PAPPA2: variants seen among roughly 807,000 people sequenced by gnomAD.
PAPPA2 encodes pappalysin-2.
PAPPA2 carries 86 observed loss-of-function variants against 176.4 expected under a neutral mutation model. The observed-to-expected ratio is 0.49, with a 90% CI of 0.41 to 0.58. The LOEUF is 0.58. Among genes scored for constraint, PAPPA2 ranks in the 20% least tolerant of loss-of-function variants. The pLI, the probability that PAPPA2 is intolerant of heterozygous loss-of-function variation, is 0.00. For missense variants in PAPPA2, 2,073 were observed against 2,256.9 expected, an observed-to-expected ratio of 0.92 and a Z score of 1.65; for synonymous variants, 809 against 852.2, an observed-to-expected ratio of 0.95 and a Z score of 0.88.
chr1:176,708,867 C>T (rs1403727024), intron 10 of PAPPA2, among the ~76,000 whole-genome samples: 3 of 152,070 alleles, frequency 2.0e-5, no homozygotes, highest in Non-Finnish European at 4.4e-5. Context: ...TAGTAATGCT[C>T]TTATTGAATA....
intron 21 of PAPPA2, among the ~76,000 whole-genome samples, chr1:176,803,805 T>C (rs1381857843): frequency 6.6e-6 from 1 of 152,244 alleles, no homozygotes; most frequent in Non-Finnish European, 1.5e-5. Context: ...CAGACTCCTT[T>C]GCAGGTAGTA....
intron 21 of PAPPA2, among the ~76,000 whole-genome samples, chr1:176,802,755 C>T (rs573855991): frequency 1.2e-3 from 180 of 152,322 alleles, no homozygotes; most frequent in Admixed American, 2.8e-3. Flanking sequence ...AATCCACCAG[C>T]TCAGTATCCT....
intron 1 of PAPPA2, among the ~76,000 whole-genome samples, chr1:176,504,020 T>A (rs1648110160): frequency 6.6e-6 from 1 of 152,162 alleles, no homozygotes; most frequent in Non-Finnish European, 1.5e-5. Flanking sequence ...GTACATTTTT[T>A]CATTAGGTTA....
intron 3 of PAPPA2, among the ~76,000 whole-genome samples, chr1:176,619,118 A>C (rs1439376414): frequency 3.9e-5 from 6 of 152,212 alleles, no homozygotes; most frequent in Non-Finnish European, 8.8e-5. Flanking sequence ...GGTATGGCTC[A>C]TGGAGGAAGT....
chr1:176,761,248 A>G (rs751141734), intron 14 of PAPPA2, among the ~76,000 whole-genome samples: 1 of 152,222 alleles, frequency 6.6e-6, no homozygotes, highest in Non-Finnish European at 1.5e-5. Flanking sequence ...GGCCATCTAC[A>G]TAGTATGATT....
At chr1:176,481,139 G>T (rs1464519554) in intron 1 of PAPPA2, among the ~76,000 whole-genome samples, 2 of 152,054 alleles carry the variant, frequency 1.3e-5, no homozygotes, top group Non-Finnish European at 2.9e-5. Context: ...CTGAATATTG[G>T]ATTAAGACTG....
chr1:176,798,392 T>C (rs765037202), intron 20 of PAPPA2, among the ~76,000 whole-genome samples: 11 of 152,198 alleles, frequency 7.2e-5, no homozygotes, highest in Admixed American at 4.6e-4. Context: ...GGTATTTATA[T>C]GTTTGGTCTG....
chr1:176,833,104 AT>A (rs1667140705), intron 21 of PAPPA2, among the ~76,000 whole-genome samples: 1 of 152,178 alleles, frequency 6.6e-6, no homozygotes, highest in Non-Finnish European at 1.5e-5. Flanking sequence ...GTGTATCTTC[AT>A]TGTCTTTCTT....
chr1:176,629,658 G>C (rs1284356091), intron 3 of PAPPA2, among the ~76,000 whole-genome samples: 1 of 152,048 alleles, frequency 6.6e-6, no homozygotes, highest in Non-Finnish European at 1.5e-5. Flanking sequence ...GGCAGAGGCT[G>C]GGTCTTATGA....
intron 11 of PAPPA2, among the ~76,000 whole-genome samples, chr1:176,710,687 T>G (rs1661104492): frequency 6.6e-6 from 1 of 152,208 alleles, no homozygotes; most frequent in South Asian, 2.1e-4. Flanking sequence ...CTATTCTAGA[T>G]GCTTTTATTG....
intron 12 of PAPPA2, among the ~76,000 whole-genome samples, chr1:176,732,912 C>A (rs1662228407): frequency 6.6e-6 from 1 of 152,214 alleles, no homozygotes; most frequent in African/African-American, 2.4e-5. Flanking sequence ...CCTGGCCACA[C>A]AGCAGGAGGT....
intron 3 of PAPPA2, among the ~76,000 whole-genome samples, chr1:176,655,731 A>G (rs1249440498): frequency 1.3e-5 from 2 of 151,970 alleles, no homozygotes; most frequent in East Asian, 3.9e-4. Flanking sequence ...CTTAATGGGT[A>G]CAGTGTATAT....
chr1:176,673,711 T>C (rs1050944324), intron 4 of PAPPA2, among the ~76,000 whole-genome samples: 1 of 152,170 alleles, frequency 6.6e-6, no homozygotes, highest in Non-Finnish European at 1.5e-5. Context: ...TAAAATACTT[T>C]AAAAATTATT....
intron 17 of PAPPA2, among the ~76,000 whole-genome samples, chr1:176,777,349 G>A (rs1300807590): frequency 1.3e-5 from 2 of 152,094 alleles, no homozygotes; most frequent in Non-Finnish European, 2.9e-5. Context: ...GAACAGCCAA[G>A]GTTTTGTTCT....
rs1367637901 is a variant in PAPPA2, at chr1:176,711,945, A to C, written c.3762A>C (p.Glu1254Asp). Residue 1254 changes from glutamate to aspartate, a missense_variant, in exon 12 of 23, where the codon GAA (glutamate) becomes GAC (aspartate). By Grantham distance (45) the Glu-to-Asp change is conservative (BLOSUM62 2). Around this residue, in one of 4 missense-constraint regions of PAPPA2, gnomAD observed 846 missense variants for 857.9 expected, o/e 0.99. Transcript: ENST00000367662. Reference protein sequence around the residue: ...ETQDDRSEQPEGSLKKEDEVW... With the variant: ...ETQDDRSEQPDGSLKKEDEVW... Reference sequence around the variant, plus strand: ...AGGATGACAGGAGTGAACAGCCAGAAGGTAGCCTGAAGAAAGAGGATGAGG... The same window carrying C: ...AGGATGACAGGAGTGAACAGCCAGACGGTAGCCTGAAGAAAGAGGATGAGG... 6.2e-7 allele frequency: 1 copy of C among 1,613,644 alleles called. No individual in the cohort carries two copies. The highest frequency in any genetic ancestry group is 1.1e-5 in the South Asian group (1 of 91,058).
Position 176,537,775 on chromosome 1 carries a change from C to T in PAPPA2, c.-916-17632C>T, listed in dbSNP as rs1479925003. The stretch of plus-strand genomic sequence containing the variant: ...GTGTGTATGTACGTGTGTGTGTTAA[C>T]GCTGTGACCTCTGGGACCCTGGCCC... On this transcript the variant is annotated intron_variant, in intron 1 of 22. Coordinates refer to ENST00000367662, the MANE Select transcript of PAPPA2 (RefSeq NM_020318.3). Among the ~76,000 whole-genome samples, 8 of 140,944 alleles carry T rather than the reference C, an allele frequency of 5.7e-5. No individual in the cohort carries two copies. In the Middle Eastern group the frequency reaches 0.011, roughly 193 times the overall value. The allele number at this position is 140,944 out of a possible 152,430, so 92.5% of individuals were successfully genotyped here.
intron 3 of PAPPA2, among the ~76,000 whole-genome samples, chr1:176,664,016 T>A (rs1658491693): frequency 6.6e-6 from 1 of 152,158 alleles, no homozygotes; most frequent in Admixed American, 6.6e-5. Flanking sequence ...TCCTCTTGAG[T>A]CCATAATTCT....
intron 15 of PAPPA2, among the ~76,000 whole-genome samples, chr1:176,766,200 C>A (rs148507959): frequency 6.6e-6 from 1 of 152,290 alleles, no homozygotes; most frequent in African/African-American, 2.4e-5. Flanking sequence ...GTCTGTGGTT[C>A]ACAATGTCCA....
chr1:176,807,096 G>A (rs1249224629), intron 21 of PAPPA2, among the ~76,000 whole-genome samples: 1 of 152,298 alleles, frequency 6.6e-6, no homozygotes, highest in East Asian at 1.9e-4. Context: ...ACATGATAAA[G>A]GATGCACAAG....
Sources: allele counts gnomAD v4.1 joint callset (sites outside exome capture counted in the v4.1 genomes callset), GRCh38; gene constraint gnomAD v4.1.1; regional missense constraint gnomAD v4.1.1; transcripts MANE v1.5; gene names NCBI Gene and HGNC (gene_info 2026-07-23, HGNC 2026-07-21).